The following KRABD3 variants were observed in gnomAD, a reference collection of about 807,000 sequenced individuals.
The protein encoded by KRABD3 is KRAB domain-containing protein 3.
At chr7:149,722,872 C>T in the KRABD3 span, 1 of 1,613,730 alleles carries the variant, frequency 6.2e-7, no homozygotes, top group Non-Finnish European at 8.5e-7. Context: ...CGAGACATCC[C>T]CAAGCTTCTT....
At chr7:149,729,363 C>A in the KRABD3 span, 1 of 1,495,382 alleles carries the variant, frequency 6.7e-7, no homozygotes, top group East Asian at 2.5e-5. Context: ...GGAGGTGGCT[C>A]CCAGAGGGTG....
chr7:149,716,872 A>G, the KRABD3 span, among the ~76,000 whole-genome samples: 6 of 152,098 alleles, frequency 3.9e-5, no homozygotes, highest in Non-Finnish European at 7.4e-5. Flanking sequence ...CTATTCCTGT[A>G]TTTGTTTTGT....
the KRABD3 span, among the ~76,000 whole-genome samples, chr7:149,727,814 G>A: frequency 6.6e-6 from 1 of 152,186 alleles, no homozygotes; most frequent in Non-Finnish European, 1.5e-5. Context: ...GAAAATGCAT[G>A]TGGGGGTCCT....
At chr7:149,722,633 G>C in the KRABD3 span, 1 of 1,500,290 alleles carries the variant, frequency 6.7e-7, no homozygotes, top group Non-Finnish European at 9.1e-7. Context: ...CTGCTCCGCC[G>C]CCTGGGCCTG....
chr7:149,731,816 G>C, the KRABD3 span: 2 of 1,490,106 alleles, frequency 1.3e-6, no homozygotes, highest in South Asian at 2.4e-5. Flanking sequence ...GCACGGGCCA[G>C]GACCCAGAGC....
the KRABD3 span, among the ~76,000 whole-genome samples, chr7:149,717,169 GCT>G: frequency 0.056 from 8,567 of 152,270 alleles, 250 homozygotes; most frequent in Middle Eastern, 0.092. Flanking sequence ...TGCCTTGCCA[GCT>G]CTGTGTTGAG....
chr7:149,733,322 C>T, the KRABD3 span: 5 of 1,612,368 alleles, frequency 3.1e-6, no homozygotes, highest in Admixed American at 1.7e-5. Flanking sequence ...CTCCTCCCTG[C>T]AGCCGCCATG....
the KRABD3 span, chr7:149,719,816 C>A: frequency 8.1e-7 from 1 of 1,236,450 alleles, no homozygotes; most frequent in Non-Finnish European, 1.1e-6. This position sits in a 1 kb window ranked among gnomAD's most constrained non-coding sequence, Gnocchi z 5.6. Flanking sequence ...TTCTATGTCC[C>A]GGGACCGGGT....
the KRABD3 span, chr7:149,731,855 G>T: frequency 9.7e-7 from 1 of 1,035,328 alleles, no homozygotes; most frequent in Non-Finnish European, 1.5e-6. Context: ...GCCTTCCAGG[G>T]TCAGTGTTTG....
At chr7:149,727,360 G>A in the KRABD3 span, among the ~76,000 whole-genome samples, 2 of 152,216 alleles carry the variant, frequency 1.3e-5, no homozygotes, top group Non-Finnish European at 2.9e-5. Context: ...TGGGTTAGCC[G>A]CTTGGGTGTG....
chr7:149,724,031 C>A, the KRABD3 span: 1 of 862,202 alleles, frequency 1.2e-6, no homozygotes, highest in Non-Finnish European at 1.8e-6. Flanking sequence ...GCGGGGGATC[C>A]CCACTGTGTA....
chr7:149,716,006 C>T, the KRABD3 span, among the ~76,000 whole-genome samples: 2 of 152,196 alleles, frequency 1.3e-5, no homozygotes, highest in Non-Finnish European at 2.9e-5. Context: ...TATCCTCACA[C>T]TACGTAGCTT....
chr7:149,720,429 C>T, the KRABD3 span, among the ~76,000 whole-genome samples: 1,886 of 152,344 alleles, frequency 0.012, 43 homozygotes, highest in African/African-American at 0.043. Context: ...AGTCCTGCCA[C>T]GAGGCTTACA....
At chr7:149,731,103 G>A in the KRABD3 span, among the ~76,000 whole-genome samples, 1 of 152,208 alleles carries the variant, frequency 6.6e-6, no homozygotes, top group African/African-American at 2.4e-5. Flanking sequence ...AGTTTAGAGA[G>A]TACCTGCTGT....
At chr7:149,723,845 G>A in the KRABD3 span, 14 of 1,613,768 alleles carry the variant, frequency 8.7e-6, no homozygotes, top group East Asian at 1.1e-4. Context: ...GTGGGGAACC[G>A]ACGGCTACAG....
At chr7:149,720,664 C>T in the KRABD3 span, among the ~76,000 whole-genome samples, 5 of 152,254 alleles carry the variant, frequency 3.3e-5, no homozygotes, top group African/African-American at 1.2e-4. Context: ...TTGGCCAGAG[C>T]GCCTGGCCTG....
At chr7:149,721,235 C>T in the KRABD3 span, 3,369 of 1,097,206 alleles carry the variant, frequency 3.1e-3, 85 homozygotes, top group African/African-American at 0.048. Flanking sequence ...CACCATGGCC[C>T]CATTCAGAGC....
chr7:149,723,785 G>A, the KRABD3 span: 1 of 1,614,022 alleles, frequency 6.2e-7, no homozygotes, highest in Admixed American at 1.7e-5. Context: ...CTGCTACACT[G>A]TCTGAAGGAG....
the KRABD3 span, chr7:149,729,828 C>T: frequency 1.0e-6 from 1 of 985,392 alleles, no homozygotes; most frequent in Non-Finnish European, 1.2e-6. Flanking sequence ...GCAGGGATGG[C>T]ACCTGCCTGG....
Sources: gnomAD v4.1 joint callset for allele counts (sites outside exome capture counted in the v4.1 genomes callset) on GRCh38, gnomAD v4.1.1 for gene constraint, Gnocchi (gnomAD v3.1) non-coding constraint, MANE v1.5 for transcripts, NCBI Gene and HGNC (gene_info 2026-07-23, HGNC 2026-07-21) for gene names.